Variants in TFCP2 observed in about 807,000 individuals in gnomAD.
TFCP2 encodes alpha-globin transcription factor CP2.
TFCP2 carries 33 observed loss-of-function variants against 73.4 expected under a neutral mutation model. That is an observed-to-expected ratio of 0.45 (90% confidence interval 0.34 to 0.60). The LOEUF (loss-of-function observed/expected upper bound fraction) is 0.60, where lower values mean the gene tolerates loss of function less well. TFCP2 is among the 20% of genes least tolerant of loss of function. The probability of loss-of-function intolerance (pLI) is 0.01; values close to 1 mark genes in which losing one functional copy is unlikely to be tolerated. For missense variants in TFCP2, 352 were observed against 604.0 expected (o/e 0.58, Z 4.37); for synonymous variants, 193 against 211.6 (o/e 0.91, Z 0.76).
intron 4 of TFCP2, among the ~76,000 whole-genome samples, chr12:51,114,328 G>T (rs1026829770): frequency 6.6e-6 from 1 of 152,184 alleles, no homozygotes; most frequent in South Asian, 2.1e-4. Flanking sequence ...ATGATGGGCC[G>T]GGAGCCTTGG....
chr12:51,103,973 A>C, intron 9 of TFCP2, 182 bp downstream of exon 9: 1 of 733,002 alleles, frequency 1.4e-6, no homozygotes, highest in South Asian at 1.7e-5. Context: ...AAGGTCCTGC[A>C]TTACTTGTTT....
At chr12:51,109,352 A>T in intron 5 of TFCP2, 79 bp from the exon 6 acceptor site, 1 of 1,497,090 alleles carries the variant, frequency 6.7e-7, no homozygotes, top group South Asian at 1.2e-5. Context: ...GCAACTATTA[A>T]CAGCAAAACC....
chr12:51,149,908 G>A (rs1266654964), intron 1 of TFCP2, among the ~76,000 whole-genome samples: 1 of 151,944 alleles, frequency 6.6e-6, no homozygotes, highest in African/African-American at 2.4e-5. Flanking sequence ...CCTTTAATTT[G>A]TTATAAGGTA....
intron 8 of TFCP2, among the ~76,000 whole-genome samples, chr12:51,105,188 G>T (rs1940201733): frequency 6.6e-6 from 1 of 151,288 alleles, no homozygotes; most frequent in South Asian, 2.1e-4. Flanking sequence ...CTGCCCTCTG[G>T]TTTCAAGCGA....
At chr12:51,118,874 TACTC>T in intron 1 of TFCP2, 102 bp from the exon 2 acceptor site, 1 of 1,340,042 alleles carries the variant, frequency 7.5e-7, no homozygotes. Context: ...CCATAAACAT[TACTC>T]ACCTTGGTGG....
At chr12:51,149,185 A>G (rs888212033) in intron 1 of TFCP2, among the ~76,000 whole-genome samples, 2 of 152,076 alleles carry the variant, frequency 1.3e-5, no homozygotes, top group Non-Finnish European at 2.9e-5. Context: ...AAAACCAAAC[A>G]TCGTATGTTT....
At chr12:51,127,406 C>G (rs1264801012) in intron 1 of TFCP2, among the ~76,000 whole-genome samples, 1 of 152,178 alleles carries the variant, frequency 6.6e-6, no homozygotes, top group East Asian at 1.9e-4. Context: ...AAGAGACTAG[C>G]TGGAAAGCTC....
At chr12:51,096,229 T>C (rs1939963830) in intron 13 of TFCP2, among the ~76,000 whole-genome samples, 189 bp from the exon 14 acceptor site, 1 of 152,200 alleles carries the variant, frequency 6.6e-6, no homozygotes, top group African/African-American at 2.4e-5. Context: ...TTTTTAAATA[T>C]TAAAAAACTA....
rs376902683 is a variant in TFCP2, at chr12:51,139,552, ATT to A, written c.123-20782_123-20781del. 3.2e-3 allele frequency among the ~76,000 whole-genome samples: 490 copies of A among 151,948 alleles called. 4 individuals are homozygous for A. Among genetic ancestry groups the A allele is most frequent in the African/African-American group, 0.011 (465 of 41,430 alleles). ...ACCACCACACCTGGCTCATCTTTTAATTTTTTGTACAGACAGGGCCTCACTAT... is the reference window on the plus strand; with the variant it reads ...ACCACCACACCTGGCTCATCTTTTAATTTTGTACAGACAGGGCCTCACTAT... On this transcript the variant is annotated intron_variant, in intron 1 of 14. Transcript: ENST00000257915.
chr12:51,169,869 AAC>A (rs1565583440), intron 1 of TFCP2, among the ~76,000 whole-genome samples: 2 of 152,254 alleles, frequency 1.3e-5, no homozygotes, highest in African/African-American at 2.4e-5. Context: ...GTCTGTGAAA[AAC>A]ACAGAGTATG....
intron 11 of TFCP2, among the ~76,000 whole-genome samples, chr12:51,100,729 GC>G (rs1261081934): frequency 6.6e-6 from 1 of 152,146 alleles, no homozygotes; most frequent in African/African-American, 2.4e-5. Flanking sequence ...CAGGAGGATG[GC>G]TTGAGCCCAG....
chr12:51,104,021 T>C, intron 9 of TFCP2, 134 bp downstream of exon 9: 1 of 969,402 alleles, frequency 1.0e-6, no homozygotes, highest in South Asian at 1.4e-5. Context: ...TGGTTCATAG[T>C]CAAAATTCAA....
chr12:51,107,167 T>C, intron 7 of TFCP2, 69 bp downstream of exon 7: 1 of 1,287,116 alleles, frequency 7.8e-7, no homozygotes, highest in South Asian at 1.3e-5. Context: ...TTCTGACCAG[T>C]TTGGAAGTGA....
At chr12:51,100,678 G>T (rs779354803) in intron 11 of TFCP2, among the ~76,000 whole-genome samples, 3 of 152,180 alleles carry the variant, frequency 2.0e-5, no homozygotes, top group Non-Finnish European at 4.4e-5. Context: ...AGGCGGGCGT[G>T]GTGGTGCGTG....
chr12:51,113,565 C>T (rs553641282), intron 4 of TFCP2, among the ~76,000 whole-genome samples: 4 of 152,116 alleles, frequency 2.6e-5, no homozygotes, highest in Admixed American at 6.6e-5. Context: ...TCTTTACAAA[C>T]GCAAAACAAA....
rs1024762102 is a variant in TFCP2 at position 51,107,667 on chromosome 12, C to T, written c.718-321G>A. On this transcript the variant is annotated intron_variant, in intron 6 of 14. Transcript: ENST00000257915. The stretch of plus-strand genomic sequence containing the variant: ...TGTCACACAAGCTGGAATGCGGTGG[C>T]GAGATCTTGGCTCACTGCAACCTCC... Among the ~76,000 whole-genome samples, 8 of 151,872 alleles carry T rather than the reference C, an allele frequency of 5.3e-5. No homozygotes were observed. The South Asian group carries it at 8.3e-4, about 16-fold the overall frequency.
chr12:51,172,611 T>A lies in TFCP2; in HGVS notation c.-189A>T. The A allele has an allele frequency of 1.4e-6, 1 of 701,286 alleles. No homozygotes were observed. Among genetic ancestry groups the A allele is most frequent in the Non-Finnish European group, 2.2e-6 (1 of 445,380 alleles). The allele number at this position is 701,286 out of a possible 1,614,324, so 43.4% of individuals were successfully genotyped here. ...ACTAATCTCCCGTACCCTTGGCTGC[T>A]CGTTCTTGGCTGCCCCAGGTTCCAA... On this transcript the variant is annotated 5_prime_UTR_variant, in exon 1 of 15. Transcript: ENST00000257915.
chr12:51,127,972 T>A (rs1940850024), intron 1 of TFCP2, among the ~76,000 whole-genome samples: 1 of 151,122 alleles, frequency 6.6e-6, no homozygotes, highest in Admixed American at 6.6e-5. Context: ...CAAGAGGGAG[T>A]GCAGTGGTGC....
rs765505719 is a variant in TFCP2, at chr12:51,110,931, T to C, written c.510A>G (p.Leu170=). 6.2e-7 allele frequency: 1 copy of C among 1,613,958 alleles called. No homozygotes were observed. Among genetic ancestry groups the C allele is most frequent in the Non-Finnish European group, 8.5e-7 (1 of 1,179,982 alleles). ...IIDPRANPTQ[L]NTVEFLWDPA... ...GGTCCCACAGGAACTCCACTGTATT[T>C]AGTTGAGTTGGATTAGCCCTAGGAT... The change falls in exon 5 of 15, where the codon CTA becomes CTG. Residue 170 remains leucine, a synonymous_variant. Coordinates refer to ENST00000257915, the MANE Select transcript of TFCP2 (RefSeq NM_005653.5).
Sources: gnomAD v4.1 joint callset for allele counts (sites outside exome capture counted in the v4.1 genomes callset) on GRCh38, gnomAD v4.1.1 for gene constraint, MANE v1.5 for transcripts, NCBI Gene and HGNC (gene_info 2026-07-23, HGNC 2026-07-21) for gene names.